The following ZBTB7C variants were observed in gnomAD, a reference collection of about 807,000 sequenced individuals.
ZBTB7C encodes zinc finger and BTB domain containing 7C.
ZBTB7C carries 8 observed loss-of-function variants against 25.7 expected under a neutral mutation model. The observed-to-expected ratio is 0.31, with a 90% CI of 0.18 to 0.56. The LOEUF is 0.56. Ranked by LOEUF, ZBTB7C falls within the 20% of genes least tolerant of loss-of-function variation. ZBTB7C has a pLI of 0.91. For missense variants in ZBTB7C, 824 were observed against 855.2 expected, an observed-to-expected ratio of 0.96 and a Z score of 0.46; for synonymous variants, 394 against 369.0, an observed-to-expected ratio of 1.07 and a Z score of -0.78.
chr18:48,400,132 G>T (rs778897195), intron 1 of ZBTB7C, among the ~76,000 whole-genome samples: 1 of 152,044 alleles, frequency 6.6e-6, no homozygotes, highest in Non-Finnish European at 1.5e-5. Flanking sequence ...TCTCCAAAAC[G>T]CACTGTTTTA....
chr18:48,069,910 G>A (rs1379735679), intron 3 of ZBTB7C, among the ~76,000 whole-genome samples: 1 of 152,184 alleles, frequency 6.6e-6, no homozygotes, highest in Non-Finnish European at 1.5e-5. Context: ...CCTGGCCCCT[G>A]GAGCGGGAGG....
At position 48,040,744 on chromosome 18, in the gene ZBTB7C, C is replaced by T. The variant is rs781681316; in HGVS notation, c.364G>A (p.Val122Met). 2.4e-5 allele frequency: 38 copies of T among 1,613,938 alleles called. No individual in the cohort carries two copies. Among genetic ancestry groups the T allele is most frequent in the Non-Finnish European group, 3.1e-5 (36 of 1,180,012 alleles). ...RMLEIQCIVN[V>M]CLEIMEPGGD... ...CCAGGCTCCATGATCTCCAGGCACA[C>T]GTTCACGATGCACTGGATCTCCAGC... The change falls in exon 4 of 5, where the codon GTG becomes ATG. Residue 122 changes from valine (V) to methionine (M), a missense_variant. Transcript: ENST00000590800.
chr18:48,288,789 G>T (rs1390791463), intron 2 of ZBTB7C, among the ~76,000 whole-genome samples: 1 of 152,160 alleles, frequency 6.6e-6, no homozygotes, highest in Non-Finnish European at 1.5e-5. Flanking sequence ...GAATCTGCTG[G>T]TACCTTGATC....
chr18:48,263,677 T>G, intron 2 of ZBTB7C, among the ~76,000 whole-genome samples: 2 of 141,068 alleles, frequency 1.4e-5, no homozygotes, highest in Non-Finnish European at 1.5e-5. Flanking sequence ...GGCTCCTTGG[T>G]GACAATAAAG....
intron 3 of ZBTB7C, among the ~76,000 whole-genome samples, chr18:48,045,222 T>TC (rs2036422071): frequency 6.6e-6 from 1 of 152,194 alleles, no homozygotes; most frequent in African/African-American, 2.4e-5. Flanking sequence ...TTGGCCAGCC[T>TC]CAGGGGCTGG....
chr18:48,318,765 G>T (rs770110923), intron 2 of ZBTB7C, among the ~76,000 whole-genome samples: 2 of 152,170 alleles, frequency 1.3e-5, no homozygotes, highest in Non-Finnish European at 2.9e-5. Flanking sequence ...TATTCAAAGA[G>T]TCTCTCCCCA....
intron 2 of ZBTB7C, among the ~76,000 whole-genome samples, chr18:48,203,222 A>T (rs1336855279): frequency 6.6e-6 from 1 of 152,070 alleles, no homozygotes; most frequent in East Asian, 1.9e-4. Flanking sequence ...CCAGGAATTC[A>T]TGCACCAAGG....
At chr18:48,072,933 T>C (rs1382238869) in intron 3 of ZBTB7C, among the ~76,000 whole-genome samples, 1 of 151,902 alleles carries the variant, frequency 6.6e-6, no homozygotes, top group Non-Finnish European at 1.5e-5. Context: ...GGAGTTCCCT[T>C]CCCCCTCCAG....
chr18:48,082,444 C>T (rs543539729), intron 3 of ZBTB7C, among the ~76,000 whole-genome samples: 1 of 152,310 alleles, frequency 6.6e-6, no homozygotes, highest in East Asian at 1.9e-4. Context: ...GGAGCTGTCA[C>T]CCAGGCCCTC....
chr18:48,142,598 C>A lies in ZBTB7C; in HGVS notation c.-17+43336G>T, dbSNP rs564162738. ...TGTATCAGGTAACACCATCAGGCAC[C>A]CACTGTGGGAGGAGGGGAGGGTGCC... On this transcript the variant is annotated intron_variant, in intron 3 of 4. Coordinates refer to ENST00000590800, the MANE Select transcript of ZBTB7C (RefSeq NM_001318841.2). Among the ~76,000 whole-genome samples, 6 of 152,294 alleles carry A rather than the reference C, an allele frequency of 3.9e-5. 1 individual carries two copies. The highest frequency in any genetic ancestry group is 1.4e-4 in the African/African-American group (6 of 41,568).
intron 2 of ZBTB7C, among the ~76,000 whole-genome samples, chr18:48,277,674 G>A (rs1372923682): frequency 6.6e-6 from 1 of 152,198 alleles, no homozygotes; most frequent in African/African-American, 2.4e-5. Context: ...TGTGGGAAAC[G>A]GGCACTTGGG....
chr18:48,262,107 A>C (rs2044188043), intron 2 of ZBTB7C, among the ~76,000 whole-genome samples: 1 of 152,214 alleles, frequency 6.6e-6, no homozygotes, highest in South Asian at 2.1e-4. Flanking sequence ...CATGGAAAAG[A>C]ATCTGAAATA....
intron 3 of ZBTB7C, among the ~76,000 whole-genome samples, chr18:48,089,067 G>A: frequency 6.6e-6 from 1 of 152,258 alleles, no homozygotes; most frequent in East Asian, 1.9e-4. Flanking sequence ...ACACAGGAGA[G>A]AAAATTATTT....
At chr18:48,364,410 T>C (rs1015103432) in intron 1 of ZBTB7C, among the ~76,000 whole-genome samples, 5 of 152,174 alleles carry the variant, frequency 3.3e-5, no homozygotes, top group African/African-American at 1.2e-4. Context: ...CATTTGGGCC[T>C]GACCTTTGAG....
chr18:48,315,920 A>G (rs542434807), intron 2 of ZBTB7C, among the ~76,000 whole-genome samples: 1 of 152,176 alleles, frequency 6.6e-6, no homozygotes, highest in Non-Finnish European at 1.5e-5. Flanking sequence ...AGGTCTACCT[A>G]AGCACGGGAA....
intron 3 of ZBTB7C, among the ~76,000 whole-genome samples, chr18:48,064,202 A>G (rs1467973773): frequency 1.3e-5 from 2 of 152,226 alleles, no homozygotes; most frequent in African/African-American, 2.4e-5. Flanking sequence ...GCAGAGTGTG[A>G]TGCCATCCAC....
At chr18:48,279,079 T>C (rs1000601142) in intron 2 of ZBTB7C, among the ~76,000 whole-genome samples, 24 of 152,138 alleles carry the variant, frequency 1.6e-4, no homozygotes, top group African/African-American at 2.6e-4. Context: ...TTGTCACACA[T>C]ACTTAGAAGG....
intron 3 of ZBTB7C, among the ~76,000 whole-genome samples, chr18:48,147,398 C>T (rs887269106): frequency 1.3e-5 from 2 of 152,128 alleles, no homozygotes; most frequent in Non-Finnish European, 2.9e-5. Flanking sequence ...AATTTTTAAA[C>T]TATACCACTG....
chr18:48,185,559 A>T, intron 3 of ZBTB7C: 1 of 240,978 alleles, frequency 4.1e-6, no homozygotes. Context: ...TACTGTTCTG[A>T]ATAGGGGGTC....
Sources: allele counts gnomAD v4.1 joint callset (sites outside exome capture counted in the v4.1 genomes callset), GRCh38; gene constraint gnomAD v4.1.1; transcripts MANE v1.5; gene names NCBI Gene and HGNC (gene_info 2026-07-23, HGNC 2026-07-21).